Variants in CFI observed in about 807,000 individuals in gnomAD.
The protein encoded by CFI is C3B/C4B inactivator.
CFI carries 66 observed loss-of-function variants against 78.8 expected under a neutral mutation model. The observed-to-expected ratio is 0.84, with a 90% CI of 0.69 to 1.03. CFI has a LOEUF of 1.03. CFI is among the 50% of genes least tolerant of loss of function. The probability of loss-of-function intolerance (pLI) is 0.00; values close to 1 mark genes in which losing one functional copy is unlikely to be tolerated. For missense variants in CFI, 706 were observed against 704.5 expected, an observed-to-expected ratio of 1.00 and a Z score of -0.02; for synonymous variants, 250 against 232.6, an observed-to-expected ratio of 1.07 and a Z score of -0.68.
At chr4:109,787,480 A>G (rs998539) in intron 1 of CFI, among the ~76,000 whole-genome samples, 27,981 of 151,926 alleles carry the variant, frequency 0.18, 4,968 homozygotes, top group African/African-American at 0.45. Context: ...GATGCCCCAC[A>G]AACTCCTTAA....
intron 1 of CFI, among the ~76,000 whole-genome samples, chr4:109,773,133 C>T (rs887852182): frequency 6.6e-6 from 1 of 152,102 alleles, no homozygotes; most frequent in South Asian, 2.1e-4. Context: ...CAAATTGTAG[C>T]GATACCATAG....
intron 3 of CFI, chr4:109,761,905 C>T (rs899860833): frequency 4.0e-5 from 21 of 528,324 alleles, no homozygotes; most frequent in Non-Finnish European, 6.4e-5. Context: ...TTAACTAAAA[C>T]TTGGCTGGGG....
chr4:109,759,265 A>T (rs58264398), intron 6 of CFI, among the ~76,000 whole-genome samples: 54,163 of 150,300 alleles, frequency 0.36, 10,655 homozygotes, highest in African/African-American at 0.5. Flanking sequence ...AAAAAAAAAA[A>T]AATAATAATA....
At chr4:109,744,011 T>C (rs1308604878) in intron 11 of CFI, among the ~76,000 whole-genome samples, 2 of 151,580 alleles carry the variant, frequency 1.3e-5, no homozygotes, top group Non-Finnish European at 2.9e-5. Context: ...ATAAAGAATG[T>C]GATTAGCCAA....
the CFI span, among the ~76,000 whole-genome samples, chr4:109,735,421 C>T: frequency 5.3e-5 from 8 of 152,134 alleles, no homozygotes; most frequent in Admixed American, 3.9e-4. Context: ...TGGGGTTTAA[C>T]GTACCACATT....
chr4:109,801,366 C>T (rs958767856), intron 1 of CFI, among the ~76,000 whole-genome samples: 3 of 152,172 alleles, frequency 2.0e-5, no homozygotes, highest in Admixed American at 6.5e-5. Flanking sequence ...TCAAATCCTA[C>T]TTGATCTATA....
At chr4:109,769,581 G>T (rs566849485) in intron 1 of CFI, among the ~76,000 whole-genome samples, 3 of 152,130 alleles carry the variant, frequency 2.0e-5, no homozygotes, top group East Asian at 3.9e-4. Context: ...TCTCTCATGC[G>T]GGGTACTATG....
At chr4:109,758,888 T>C (rs1223309925) in intron 6 of CFI, among the ~76,000 whole-genome samples, 1 of 151,724 alleles carries the variant, frequency 6.6e-6, no homozygotes, top group African/African-American at 2.4e-5. Flanking sequence ...AGGCCAAGAG[T>C]TCGAGACGAG....
rs34128338 is a variant in CFI at position 109,783,812 on chromosome 4, G to GATAT, written c.58-16992_58-16989dup. Among the ~76,000 whole-genome samples, 515 of 112,968 alleles carry GATAT rather than the reference G, an allele frequency of 4.6e-3. 55 individuals are homozygous for GATAT. Among genetic ancestry groups the GATAT allele is most frequent in the African/African-American group, 7.9e-3 (239 of 30,254 alleles). The allele number at this position is 112,968 out of a possible 152,430, so 74.1% of individuals were successfully genotyped here. A position where few individuals can be genotyped will look rare whatever the true frequency, so the allele number is the denominator to read the frequency against. ...TTCAATGAGTGGATAAAGAAACTGT[G>GATAT]ATATATATATATATATATATATGAT... On this transcript the variant is annotated intron_variant, in intron 1 of 12. Transcript: ENST00000394634.
chr4:109,773,029 G>A (rs1187996031), intron 1 of CFI, among the ~76,000 whole-genome samples: 1 of 152,178 alleles, frequency 6.6e-6, no homozygotes, highest in Non-Finnish European at 1.5e-5. Flanking sequence ...TGAAATGTAA[G>A]CTGAAATAAT....
intron 2 of CFI, among the ~76,000 whole-genome samples, chr4:109,765,564 T>A (rs1434283843): frequency 2.0e-5 from 3 of 152,118 alleles, no homozygotes; most frequent in Non-Finnish European, 4.4e-5. Context: ...AAGGTGGGGT[T>A]TGGAGGGACT....
intron 1 of CFI, among the ~76,000 whole-genome samples, chr4:109,778,154 C>T (rs553011104): frequency 5.3e-5 from 8 of 151,954 alleles, no homozygotes; most frequent in African/African-American, 1.2e-4. Flanking sequence ...GAAGGAGATA[C>T]GGACACAAAA....
In CFI at chr4:109,740,933, T is replaced by G. The variant is rs1047291; in HGVS notation, c.1712A>C (p.Tyr571Ser). The change falls in exon 13 of 13, where the codon TAC (tyrosine) becomes TCC (serine). Residue 571 changes from tyrosine to serine, a missense_variant. Transcript: ENST00000394634. The part of the protein sequence containing the change: ...KVANYFDWIS[Y>S]HVGRPFISQY... ...AGAAATAAAAGGCCTTCCTACATGG[T>G]AGCTAATCCAGTCAAAATAATTGGC... 6.2e-7 allele frequency: 1 copy of G among 1,614,126 alleles called. No individual in the cohort carries two copies. Among genetic ancestry groups the G allele is most frequent in the Non-Finnish European group, 8.5e-7 (1 of 1,179,978 alleles).
chr4:109,746,410 C>T lies in CFI; in HGVS notation c.1241G>A (p.Arg414Lys). The T allele has an allele frequency of 6.2e-7, 1 of 1,613,948 alleles. No homozygotes were observed. Among genetic ancestry groups the T allele is most frequent in the Non-Finnish European group, 8.5e-7 (1 of 1,179,946 alleles). Residue 414 changes from arginine to lysine, a missense_variant, in exon 11 of 13, where the codon AGA becomes AAA. Coordinates refer to ENST00000394634, the MANE Select transcript of CFI (RefSeq NM_000204.5). ...ATTGTAGTTTTCATGGAAAATAATTCTATCCACGTATTCAATTACTATACG... is the reference window on the plus strand; with the variant it reads ...ATTGTAGTTTTCATGGAAAATAATTTTATCCACGTATTCAATTACTATACG... ...LKRIVIEYVD[R>K]IIFHENYNAG...
chr4:109,774,222 T>A (rs1412917600), intron 1 of CFI, among the ~76,000 whole-genome samples: 2 of 152,216 alleles, frequency 1.3e-5, no homozygotes, highest in Non-Finnish European at 2.9e-5. Flanking sequence ...TACATTCTAG[T>A]AGGCAAGACA....
intron 1 of CFI, among the ~76,000 whole-genome samples, chr4:109,792,865 C>G (rs28813090): frequency 1.3e-5 from 2 of 152,064 alleles, no homozygotes; most frequent in Admixed American, 6.6e-5. Flanking sequence ...CTAAAGGCAG[C>G]CTCTTTAGAC....
chr4:109,742,967 A>G (rs1723991231), intron 11 of CFI, among the ~76,000 whole-genome samples: 1 of 152,212 alleles, frequency 6.6e-6, no homozygotes. Flanking sequence ...TATTTCCTTG[A>G]GAATGTTTGT....
At position 109,767,334 on chromosome 4, in the gene CFI, G is replaced by T. The variant is rs899459250; in HGVS notation, c.58-510C>A. 4.6e-5 allele frequency among the ~76,000 whole-genome samples: 7 copies of T among 152,090 alleles called. No individual in the cohort carries two copies. In the East Asian group the frequency reaches 1.4e-3, roughly 29 times the overall value. On this transcript the variant is annotated intron_variant, in intron 1 of 12. Transcript: ENST00000394634. ...CACAGCAAAAGAAACCACCATCAGAGTGAATAGGCAACCCACAGAATGGGA... is the reference window on the plus strand; with the variant it reads ...CACAGCAAAAGAAACCACCATCAGATTGAATAGGCAACCCACAGAATGGGA...
chr4:109,795,512 A>G (rs1362410305), intron 1 of CFI, among the ~76,000 whole-genome samples: 1 of 152,230 alleles, frequency 6.6e-6, no homozygotes, highest in Admixed American at 6.5e-5. Context: ...AAGTGACTCT[A>G]AAGAATTGGA....
Sources: gnomAD v4.1 joint callset for allele counts (sites outside exome capture counted in the v4.1 genomes callset) on GRCh38, gnomAD v4.1.1 for gene constraint, MANE v1.5 for transcripts, NCBI Gene and HGNC (gene_info 2026-07-23, HGNC 2026-07-21) for gene names.